Variants in DPY19L1 observed in about 807,000 individuals in gnomAD.
The protein encoded by DPY19L1 is protein C-mannosyl-transferase DPY19L1.
DPY19L1 carries 35 observed loss-of-function variants against 96.9 expected under a neutral mutation model. The ratio of observed to expected loss-of-function variants is 0.36; its 90% CI spans 0.28 to 0.48. The LOEUF is 0.48. DPY19L1 is among the 20% of genes least tolerant of loss of function. The pLI, the probability that DPY19L1 is intolerant of heterozygous loss-of-function variation, is 0.99. For synonymous variants in DPY19L1, 205 were observed against 252.6 expected, an observed-to-expected ratio of 0.81 and a Z score of 1.79; for missense variants, 521 against 777.9, an observed-to-expected ratio of 0.67 and a Z score of 3.93.
chr7:34,989,847 C>T (rs1438378607), intron 7 of DPY19L1, 37 bp downstream of exon 7: 1 of 1,524,566 alleles, frequency 6.6e-7, no homozygotes, highest in South Asian at 1.3e-5. Flanking sequence ...AACTGCATTT[C>T]CAGAAGTAAT....
chr7:34,970,004 T>C (rs568493193), intron 8 of DPY19L1, among the ~76,000 whole-genome samples: 28 of 152,082 alleles, frequency 1.8e-4, no homozygotes, highest in African/African-American at 6.5e-4. Flanking sequence ...CTGGCACAGG[T>C]AGGAGAACAC....
chr7:34,999,401 T>C (rs1055313103), intron 6 of DPY19L1, among the ~76,000 whole-genome samples: 5 of 152,228 alleles, frequency 3.3e-5, no homozygotes, highest in Non-Finnish European at 7.3e-5. Context: ...TTCAAACATG[T>C]CAGACAAATG....
At chr7:34,931,764 T>C (rs1374202842) in intron 21 of DPY19L1, 35 bp from the exon 22 acceptor site, 4 of 1,569,430 alleles carry the variant, frequency 2.5e-6, no homozygotes, top group South Asian at 2.4e-5. Flanking sequence ...AAAATCAATA[T>C]GCATTATATA....
At chr7:35,016,236 T>C (rs369586714) in intron 3 of DPY19L1, among the ~76,000 whole-genome samples, 23 of 152,278 alleles carry the variant, frequency 1.5e-4, no homozygotes, top group African/African-American at 4.8e-4. Flanking sequence ...AAGGAAGCCA[T>C]GGATACTAGT....
At chr7:34,989,648 A>C (rs115018879) in intron 7 of DPY19L1, among the ~76,000 whole-genome samples, 36,055 of 151,620 alleles carry the variant, frequency 0.24, 4,681 homozygotes, top group Admixed American at 0.38. Flanking sequence ...CAACAACAAA[A>C]AAAAAAAACA....
chr7:35,010,744 C>T (rs1228413810), intron 5 of DPY19L1, among the ~76,000 whole-genome samples, 183 bp from the exon 6 acceptor site: 1 of 152,138 alleles, frequency 6.6e-6, no homozygotes, highest in East Asian at 1.9e-4. Flanking sequence ...GGGTAATTAG[C>T]AATGATGGTT....
chr7:34,962,458 T>C (rs71537656), intron 10 of DPY19L1, among the ~76,000 whole-genome samples: 53 of 152,154 alleles, frequency 3.5e-4, no homozygotes, highest in African/African-American at 1.3e-3. Context: ...GAGGGATGAA[T>C]AGGTGGAGCA....
intron 1 of DPY19L1, among the ~76,000 whole-genome samples, chr7:35,026,119 C>T (rs1372244836): frequency 6.6e-6 from 1 of 152,038 alleles, no homozygotes; most frequent in Non-Finnish European, 1.5e-5. Context: ...GACATACAGT[C>T]AAGGTTGATT....
intron 12 of DPY19L1, among the ~76,000 whole-genome samples, chr7:34,955,050 G>A (rs1237620322): frequency 6.8e-6 from 1 of 147,136 alleles, no homozygotes; most frequent in Admixed American, 6.8e-5. Context: ...CCCTTTAACA[G>A]TTTCTTATAC....
intron 6 of DPY19L1, among the ~76,000 whole-genome samples, chr7:34,995,664 A>C (rs1455466459): frequency 6.6e-6 from 1 of 152,198 alleles, no homozygotes; most frequent in Non-Finnish European, 1.5e-5. Context: ...TGAACCATCC[A>C]AAGTTAAACT....
intron 15 of DPY19L1, among the ~76,000 whole-genome samples, chr7:34,946,840 T>C (rs1450467815): frequency 6.6e-6 from 1 of 152,244 alleles, no homozygotes; most frequent in African/African-American, 2.4e-5. Flanking sequence ...GTCTACCCCA[T>C]AGGGCTGTTG....
chr7:34,959,910 T>A (rs1649231), intron 10 of DPY19L1, among the ~76,000 whole-genome samples: 23 of 19,632 alleles, frequency 1.2e-3, no homozygotes, highest in South Asian at 2.6e-3. Context: ...TATATATATA[T>A]ATATATATAT....
At chr7:35,017,779 T>C in intron 3 of DPY19L1, 103 bp downstream of exon 3, 1 of 833,262 alleles carries the variant, frequency 1.2e-6, no homozygotes, top group Admixed American at 3.1e-5. Context: ...GTGGAGCATC[T>C]ACTCTTTCTA....
At chr7:35,002,125 C>CAAAAAAAAAAAAAA (rs548044939) in intron 6 of DPY19L1, among the ~76,000 whole-genome samples, 1 of 47,094 alleles carries the variant, frequency 2.1e-5, no homozygotes, top group Admixed American at 2.2e-4. Flanking sequence ...GACTCCAGCT[C>CAAAAAAAAAAAAAA]AAAAAAAAAA....
intron 1 of DPY19L1, among the ~76,000 whole-genome samples, chr7:35,026,244 A>C (rs1391037713): frequency 6.6e-6 from 1 of 152,290 alleles, no homozygotes; most frequent in Admixed American, 6.5e-5. Context: ...TAATTGTATC[A>C]CCTGGGAGTA....
intron 1 of DPY19L1, among the ~76,000 whole-genome samples, chr7:35,029,115 T>C (rs974613928): frequency 6.6e-6 from 1 of 152,238 alleles, no homozygotes; most frequent in Non-Finnish European, 1.5e-5. Context: ...AACCTTCTGG[T>C]AATGCAGCCT....
intron 9 of DPY19L1, among the ~76,000 whole-genome samples, chr7:34,967,647 A>T (rs1384251468): frequency 6.6e-6 from 1 of 152,222 alleles, no homozygotes; most frequent in Non-Finnish European, 1.5e-5. Flanking sequence ...ACATAGAGGT[A>T]ATATAGCAGA....
At chr7:35,012,420 T>G (rs879684311) in intron 4 of DPY19L1, among the ~76,000 whole-genome samples, 1 of 152,166 alleles carries the variant, frequency 6.6e-6, no homozygotes, top group Non-Finnish European at 1.5e-5. Context: ...TTCCAGGACC[T>G]CAACCTAAGG....
chr7:35,017,784 T>C, intron 3 of DPY19L1, 98 bp downstream of exon 3: 6 of 942,102 alleles, frequency 6.4e-6, no homozygotes, highest in Non-Finnish European at 7.6e-6. Flanking sequence ...GCATCTACTC[T>C]TTCTACTTTG....
Sources: gnomAD v4.1 joint callset for allele counts (sites outside exome capture counted in the v4.1 genomes callset) on GRCh38, gnomAD v4.1.1 for gene constraint, MANE v1.5 for transcripts, NCBI Gene and HGNC (gene_info 2026-07-23, HGNC 2026-07-21) for gene names.